PACRG: variants seen among roughly 807,000 people sequenced by gnomAD.
The protein encoded by PACRG is parkin coregulated, also known as parkin coregulated gene protein.
A neutral mutation model predicts 29.7 loss-of-function variants in PACRG; 29 were observed. The ratio of observed to expected loss-of-function variants is 0.98; its 90% CI spans 0.73 to 1.33. PACRG has a LOEUF of 1.33. Ranked by LOEUF, PACRG falls within the 40% of genes most tolerant of loss-of-function variation. The pLI is 0.00. For synonymous variants in PACRG, 116 were observed against 118.7 expected (o/e 0.98, Z 0.15); for missense variants, 279 against 316.2 (o/e 0.88, Z 0.89).
chr6:162,883,421 A>C (rs1584647801), intron 2 of PACRG, among the ~76,000 whole-genome samples: 1 of 152,356 alleles, frequency 6.6e-6, no homozygotes. Context: ...TATCTGGTAC[A>C]TTACAAATGT....
At position 162,777,409 on chromosome 6, in the gene PACRG, C is replaced by T. The variant is rs1010707620; in HGVS notation, c.157-36738C>T. ...ATCCCTCAGACACTGCCATTTCCAA[C>T]ATTTTCATTCCGGATTTCAGAATTC... On this transcript the variant is annotated intron_variant, in intron 1 of 4. Transcript: ENST00000366888. This position sits in a 1 kb window ranked among gnomAD's most constrained non-coding sequence, Gnocchi z 4.0. Among the ~76,000 whole-genome samples, 2 of 152,192 alleles carry T rather than the reference C, an allele frequency of 1.3e-5. No homozygotes were observed. The highest frequency in any genetic ancestry group is 4.1e-4 in the South Asian group (2 of 4,830).
At chr6:162,844,205 C>T (rs879188914) in intron 2 of PACRG, among the ~76,000 whole-genome samples, 12 of 151,352 alleles carry the variant, frequency 7.9e-5, no homozygotes, top group South Asian at 2.1e-4. Flanking sequence ...GCCTCGCTGC[C>T]GCCTTGCAGT....
intron 4 of PACRG, among the ~76,000 whole-genome samples, chr6:163,257,897 G>T (rs192815727): frequency 6.6e-6 from 1 of 152,150 alleles, no homozygotes; most frequent in African/African-American, 2.4e-5. Flanking sequence ...ATTAATTTTG[G>T]TATGCTTATT....
At chr6:163,306,490 G>A (rs1785202206) in intron 4 of PACRG, among the ~76,000 whole-genome samples, 1 of 152,128 alleles carries the variant, frequency 6.6e-6, no homozygotes, top group African/African-American at 2.4e-5. Context: ...TTGCCTTTTT[G>A]TAGTCTTGAC....
intron 2 of PACRG, among the ~76,000 whole-genome samples, chr6:162,972,888 A>G (rs1304785757): frequency 6.6e-6 from 1 of 152,170 alleles, no homozygotes; most frequent in Admixed American, 6.5e-5. Context: ...TTCTATAATG[A>G]TTCTTTAGAT....
chr6:162,788,154 G>A (rs561473517), intron 1 of PACRG, among the ~76,000 whole-genome samples: 3 of 150,118 alleles, frequency 2.0e-5, no homozygotes, highest in Admixed American at 6.6e-5. Flanking sequence ...AAATACTTCC[G>A]TGACCCCCTA....
intron 2 of PACRG, among the ~76,000 whole-genome samples, chr6:162,957,912 G>T (rs1800188278): frequency 6.6e-6 from 1 of 152,148 alleles, no homozygotes; most frequent in Non-Finnish European, 1.5e-5. Context: ...TACTTTGGGT[G>T]CAAAGCAAGG....
intron 2 of PACRG, among the ~76,000 whole-genome samples, chr6:163,021,223 T>A (rs1806584758): frequency 6.6e-6 from 1 of 152,160 alleles, no homozygotes; most frequent in South Asian, 2.1e-4. Flanking sequence ...GTGTCCATGA[T>A]GCAATCATAA....
chr6:163,188,236 T>C (rs1019375332), intron 4 of PACRG, among the ~76,000 whole-genome samples: 4 of 152,172 alleles, frequency 2.6e-5, no homozygotes, highest in Non-Finnish European at 4.4e-5. Context: ...CCCAAGTCAC[T>C]CTTTTCTTTG....
chr6:163,178,157 G>A (rs115353420), intron 4 of PACRG, among the ~76,000 whole-genome samples: 26 of 152,296 alleles, frequency 1.7e-4, no homozygotes, highest in African/African-American at 5.8e-4. Flanking sequence ...CTCCCTGCCT[G>A]GCACCAGGGC....
Position 163,062,332 on chromosome 6 carries a change from C to A in PACRG, c.463+11C>A, listed in dbSNP as rs757342423. On this transcript the variant is annotated intron_variant, in intron 3 of 4. Coordinates refer to ENST00000366888, the MANE Select transcript of PACRG (RefSeq NM_001080379.2). ...TTATCCCGATAAAAAGTAAGTGAAC[C>A]GGTGAAAAAGCATCACTCAGTTTAT... is the stretch of plus-strand genomic sequence containing the variant. The A allele has an allele frequency of 6.2e-7, 1 of 1,603,636 alleles. No homozygotes were observed. The highest frequency in any genetic ancestry group is 1.1e-5 in the South Asian group (1 of 89,020).
intron 2 of PACRG, among the ~76,000 whole-genome samples, chr6:162,938,996 CTTTAG>C (rs1321752111): frequency 6.6e-6 from 1 of 152,064 alleles, no homozygotes; most frequent in Non-Finnish European, 1.5e-5. Flanking sequence ...TGCAAAAGCT[CTTTAG>C]TTTAATTAAG....
intron 2 of PACRG, among the ~76,000 whole-genome samples, chr6:162,996,832 A>C (rs1804108138): frequency 6.6e-6 from 1 of 152,100 alleles, no homozygotes. Flanking sequence ...AGCACACATT[A>C]CTCTTAAAAC....
intron 2 of PACRG, among the ~76,000 whole-genome samples, chr6:163,012,315 G>A (rs1188749177): frequency 6.6e-6 from 1 of 152,212 alleles, no homozygotes; most frequent in African/African-American, 2.4e-5. Flanking sequence ...CATCTGCAAA[G>A]CCAGAAGACA....
At chr6:163,286,360 C>T (rs1585400657) in intron 4 of PACRG, among the ~76,000 whole-genome samples, 1 of 152,084 alleles carries the variant, frequency 6.6e-6, no homozygotes, top group East Asian at 1.9e-4. Flanking sequence ...ATGTTTACTA[C>T]CCATAATAAC....
At chr6:162,734,577 T>C (rs970575333) in intron 1 of PACRG, among the ~76,000 whole-genome samples, 5 of 152,184 alleles carry the variant, frequency 3.3e-5, no homozygotes, top group African/African-American at 1.2e-4. Context: ...TATTTATTCT[T>C]TCATATATAA....
chr6:163,186,748 G>C (rs559700020), intron 4 of PACRG, among the ~76,000 whole-genome samples: 4 of 152,198 alleles, frequency 2.6e-5, no homozygotes, highest in Non-Finnish European at 5.9e-5. Flanking sequence ...CTTCCGAGTA[G>C]TTTGATGTCA....
intron 4 of PACRG, among the ~76,000 whole-genome samples, chr6:163,306,099 T>G (rs1785188566): frequency 1.3e-5 from 2 of 152,222 alleles, no homozygotes; most frequent in Non-Finnish European, 2.9e-5. Flanking sequence ...AAAACCTCAA[T>G]TTTCTCCCCT....
intron 2 of PACRG, among the ~76,000 whole-genome samples, chr6:162,973,144 G>A (rs1207632162): frequency 3.9e-5 from 6 of 152,188 alleles, no homozygotes; most frequent in Non-Finnish European, 8.8e-5. Flanking sequence ...TGATTGCTAT[G>A]GATTTTGAGT....
Sources: gnomAD v4.1 joint callset for allele counts (sites outside exome capture counted in the v4.1 genomes callset) on GRCh38, gnomAD v4.1.1 for gene constraint, Gnocchi (gnomAD v3.1) non-coding constraint, MANE v1.5 for transcripts, NCBI Gene and HGNC (gene_info 2026-07-23, HGNC 2026-07-21) for gene names.